C10orf67: variants seen among roughly 807,000 people sequenced by gnomAD.
C10orf67 encodes the protein chromosome 10 open reading frame 67.
A neutral mutation model predicts 35.6 loss-of-function variants in C10orf67; 60 were observed. That is an observed-to-expected ratio of 1.68 (90% confidence interval 1.37 to 2.09). C10orf67 has a LOEUF of 2.09. Among genes scored for constraint, C10orf67 ranks in the 30% most tolerant of loss-of-function variants. The probability of loss-of-function intolerance (pLI) is 0.00; values close to 1 mark genes in which losing one functional copy is unlikely to be tolerated. For missense variants in C10orf67, 474 were observed against 330.2 expected (o/e 1.44, Z -3.38); for synonymous variants, 167 against 115.8 (o/e 1.44, Z -2.84).
intron 4 of C10orf67, chr10:23,319,023 G>A: frequency 1.4e-6 from 1 of 703,410 alleles, no homozygotes; most frequent in Non-Finnish European, 2.6e-6. Flanking sequence ...TTTGTTTTAG[G>A]TTCAGAGGGT....
At chr10:23,323,041 T>A (rs527733824) in intron 2 of C10orf67, among the ~76,000 whole-genome samples, 7 of 152,228 alleles carry the variant, frequency 4.6e-5, no homozygotes, top group African/African-American at 1.7e-4. Flanking sequence ...TGGCCAGGCT[T>A]TCAAAGTGAC....
At chr10:23,326,793 G>A (rs1160505830) in intron 2 of C10orf67, among the ~76,000 whole-genome samples, 1 of 152,118 alleles carries the variant, frequency 6.6e-6, no homozygotes, top group Non-Finnish European at 1.5e-5. Context: ...AATCCTTGCT[G>A]AACAAAGGGT....
At chr10:23,251,361 G>A (rs972303926) in intron 10 of C10orf67, among the ~76,000 whole-genome samples, 10 of 152,212 alleles carry the variant, frequency 6.6e-5, no homozygotes, top group Middle Eastern at 3.4e-3. Context: ...TTCGTCATAG[G>A]CAGCAGCTTC....
intron 1 of C10orf67, among the ~76,000 whole-genome samples, chr10:23,335,078 C>T (rs191847509): frequency 6.6e-6 from 1 of 151,926 alleles, no homozygotes; most frequent in African/African-American, 2.4e-5. Context: ...ATCCCAGCTA[C>T]TCGGGAGGCT....
chr10:23,248,540 G>C (rs890533034), intron 12 of C10orf67, among the ~76,000 whole-genome samples: 2 of 152,182 alleles, frequency 1.3e-5, no homozygotes, highest in African/African-American at 4.8e-5. Flanking sequence ...ATTGGACTCT[G>C]ATCTTGACTG....
intron 8 of C10orf67, among the ~76,000 whole-genome samples, chr10:23,268,799 A>G (rs899113109): frequency 6.6e-6 from 1 of 152,256 alleles, no homozygotes; most frequent in Non-Finnish European, 1.5e-5. Context: ...ACTTTACGGC[A>G]TAGCCTATTG....
chr10:23,309,146 A>G (rs551878163), intron 4 of C10orf67, among the ~76,000 whole-genome samples: 1 of 152,336 alleles, frequency 6.6e-6, no homozygotes, highest in African/African-American at 2.4e-5. Context: ...ATGTCCATCA[A>G]TGGTTGATTG....
chr10:23,271,446 T>C (rs1277868150), intron 8 of C10orf67, among the ~76,000 whole-genome samples: 1 of 152,260 alleles, frequency 6.6e-6, no homozygotes, highest in Non-Finnish European at 1.5e-5. Flanking sequence ...AGGAGTGGGA[T>C]AGCCAGACCA....
rs116070094 is a variant in C10orf67 at position 23,316,529 on chromosome 10, G to A, written c.546+4212C>T. Among the ~76,000 whole-genome samples, 870 of 152,310 alleles carry A rather than the reference G, an allele frequency of 5.7e-3. 1 individual carries two copies. The highest frequency in any genetic ancestry group is 0.02 in the African/African-American group (822 of 41,568). On this transcript the variant is annotated intron_variant, in intron 4 of 15. Transcript: ENST00000636213. Reference sequence around the variant, plus strand: ...AGCTTTTTTAGTCCCACCATTTGGTGGGTCCCAAGTTCTCGTCCCACACGC... The same window carrying A: ...AGCTTTTTTAGTCCCACCATTTGGTAGGTCCCAAGTTCTCGTCCCACACGC...
At chr10:23,228,787 C>T (rs891616652) in intron 13 of C10orf67, among the ~76,000 whole-genome samples, 1 of 152,148 alleles carries the variant, frequency 6.6e-6, no homozygotes, top group Non-Finnish European at 1.5e-5. Context: ...TATGAACAGA[C>T]ACTTCTCGAA....
chr10:23,305,964 C>CGT (rs1491028741), intron 4 of C10orf67, among the ~76,000 whole-genome samples: 11 of 135,776 alleles, frequency 8.1e-5, no homozygotes, highest in African/African-American at 3.3e-4. Context: ...ACGTTACATA[C>CGT]GCGCACACAC....
intron 15 of C10orf67, among the ~76,000 whole-genome samples, chr10:23,208,129 C>T (rs764227710): frequency 5.3e-5 from 8 of 152,268 alleles, no homozygotes; most frequent in South Asian, 2.1e-4. Context: ...TTTGCACGTA[C>T]GAATTTGAAA....
intron 2 of C10orf67, among the ~76,000 whole-genome samples, chr10:23,329,303 T>C (rs975030003): frequency 1.3e-5 from 2 of 151,748 alleles, no homozygotes; most frequent in Non-Finnish European, 2.9e-5. Context: ...ACAATAAATA[T>C]TATACCAATA....
At chr10:23,208,405 A>G (rs1841215060) in intron 15 of C10orf67, among the ~76,000 whole-genome samples, 1 of 152,176 alleles carries the variant, frequency 6.6e-6, no homozygotes, top group African/African-American at 2.4e-5. Flanking sequence ...TTATGGGAAA[A>G]GTGGTTATTA....
At chr10:23,210,150 A>G (rs776013621) in intron 15 of C10orf67, among the ~76,000 whole-genome samples, 35 of 152,160 alleles carry the variant, frequency 2.3e-4, no homozygotes, top group Non-Finnish European at 4.1e-4. Context: ...AGGGCAATGA[A>G]GCCAGGAGGA....
At position 23,318,294 on chromosome 10, in the gene C10orf67, A is replaced by G. The variant is rs75092565; in HGVS notation, c.546+2447T>C. On this transcript the variant is annotated intron_variant, in intron 4 of 15. Transcript: ENST00000636213. Reference sequence around the variant, plus strand: ...GAGTCATCTGGACGCTTCTCCACTCATATTTTTGACTCCTGGGCTGGGGTG... The same window carrying G: ...GAGTCATCTGGACGCTTCTCCACTCGTATTTTTGACTCCTGGGCTGGGGTG... The G allele has an allele frequency of 3.0e-3, 460 of 152,360 alleles. 14 individuals carry two copies. In the East Asian group the frequency reaches 0.05, roughly 16 times the overall value. The allele number at this position is 152,360 out of a possible 1,614,324, so 9.4% of individuals were successfully genotyped here. A position where few individuals can be genotyped will look rare whatever the true frequency, so the allele number is the denominator to read the frequency against.
intron 1 of C10orf67, chr10:23,344,018 G>A: frequency 4.9e-6 from 2 of 406,752 alleles, no homozygotes; most frequent in Admixed American, 2.7e-5. Flanking sequence ...CCGGACGTGC[G>A]CCTCCCGCGG....
At chr10:23,265,974 A>G (rs1842873366) in intron 10 of C10orf67, among the ~76,000 whole-genome samples, 1 of 152,200 alleles carries the variant, frequency 6.6e-6, no homozygotes, top group Admixed American at 6.5e-5. Flanking sequence ...TATCCTAGAA[A>G]GTGCTTGGGA....
intron 12 of C10orf67, among the ~76,000 whole-genome samples, chr10:23,248,955 A>G (rs1275900087): frequency 6.6e-6 from 1 of 151,684 alleles, no homozygotes; most frequent in Non-Finnish European, 1.5e-5. Flanking sequence ...TTTAAACTCC[A>G]TCTCTACTAA....
Sources: gnomAD v4.1 joint callset for allele counts (sites outside exome capture counted in the v4.1 genomes callset) on GRCh38, gnomAD v4.1.1 for gene constraint, MANE v1.5 for transcripts, NCBI Gene and HGNC (gene_info 2026-07-23, HGNC 2026-07-21) for gene names.